TMEM181: variants seen among roughly 807,000 people sequenced by gnomAD.
TMEM181 encodes transmembrane protein 181.
Under a neutral mutation model 71.9 loss-of-function variants are expected in TMEM181, and 39 were observed. That is an observed-to-expected ratio of 0.54 (90% CI 0.42 to 0.71). TMEM181 has a LOEUF of 0.71. Among genes scored for constraint, TMEM181 ranks in the 30% least tolerant of loss-of-function variants. The probability of loss-of-function intolerance (pLI) is 0.00; values close to 1 mark genes in which losing one functional copy is unlikely to be tolerated. For missense variants in TMEM181, 595 were observed against 583.0 expected, an observed-to-expected ratio of 1.02 and a Z score of -0.21; for synonymous variants, 245 against 228.8, an observed-to-expected ratio of 1.07 and a Z score of -0.64.
chr6:158,574,090 G>GCCT (rs1783028907), intron 2 of TMEM181, among the ~76,000 whole-genome samples: 1 of 56,476 alleles, frequency 1.8e-5, no homozygotes, highest in South Asian at 4.5e-4. Context: ...GCAACCAGGA[G>GCCT]CCTGACTTGT....
At position 158,608,371 on chromosome 6, in the gene TMEM181, C is replaced by T; in HGVS notation, c.712C>T (p.Leu238Phe). Reference protein sequence around the residue: ...FPLSFLVNSWLPGMLDDLFQS... With the variant: ...FPLSFLVNSWFPGMLDDLFQS... ...CCTCTCCTTCCTGGTCAACAGCTGG[C>T]TCCCAGGGATGCTGGATGACCTCTT... The change falls in exon 9 of 17, where the codon CTC (leucine) becomes TTC (phenylalanine). Residue 238 changes from leucine (L) to phenylalanine (F), a missense_variant. Physicochemically the swap from Leu to Phe is conservative, Grantham distance 22. Coordinates refer to ENST00000684151, the MANE Select transcript of TMEM181 (RefSeq NM_001376852.1). 2 of 1,614,238 alleles carry T rather than the reference C, an allele frequency of 1.2e-6. No homozygotes were observed. Among genetic ancestry groups the T allele is most frequent in the Non-Finnish European group, 1.7e-6 (2 of 1,180,044 alleles).
At position 158,623,970 on chromosome 6, in the gene TMEM181, C is replaced by T. The variant is rs1291720343; in HGVS notation, c.954+363C>T. Among the ~76,000 whole-genome samples the T allele has an allele frequency of 3.3e-5, 5 of 152,158 alleles. No homozygotes were observed. In the East Asian group the frequency reaches 9.6e-4, roughly 29 times the overall value. ...GAGATGGGGGTTTCACCATATTGGC[C>T]AGACTGTTCTCAAACTCCTGATCTC... On this transcript the variant is annotated intron_variant, in intron 11 of 16. Coordinates refer to ENST00000684151, the MANE Select transcript of TMEM181 (RefSeq NM_001376852.1).
At chr6:158,578,942 G>T (rs868470566) in intron 2 of TMEM181, among the ~76,000 whole-genome samples, 1 of 152,320 alleles carries the variant, frequency 6.6e-6, no homozygotes. Flanking sequence ...TTTCACTTCC[G>T]TGTATATACT....
intron 1 of TMEM181, among the ~76,000 whole-genome samples, chr6:158,549,793 GTGT>G (rs1392075706): frequency 6.6e-6 from 1 of 152,178 alleles, no homozygotes; most frequent in South Asian, 2.1e-4. Context: ...GGCTGGGCAG[GTGT>G]TGTTGCAGGA....
intron 1 of TMEM181, among the ~76,000 whole-genome samples, chr6:158,537,074 G>A (rs930451): frequency 6.6e-6 from 1 of 151,984 alleles, no homozygotes; most frequent in South Asian, 2.1e-4. Context: ...GGCAGCGGCG[G>A]GCAGGTTCCT....
chr6:158,587,763 G>C (rs12202309), intron 5 of TMEM181, among the ~76,000 whole-genome samples: 1 of 152,050 alleles, frequency 6.6e-6, no homozygotes, highest in Non-Finnish European at 1.5e-5. Flanking sequence ...GTCAGCAGCA[G>C]AACCGTGGTT....
intron 2 of TMEM181, among the ~76,000 whole-genome samples, chr6:158,575,655 T>G (rs1403955177): frequency 2.0e-5 from 3 of 152,200 alleles, no homozygotes; most frequent in African/African-American, 4.8e-5. Flanking sequence ...CTTAATTCTT[T>G]CCAGGAAACT....
At chr6:158,544,182 A>AGTGTGTGTGTGTGTGTGT (rs34605570) in intron 1 of TMEM181, among the ~76,000 whole-genome samples, 40 of 127,640 alleles carry the variant, frequency 3.1e-4, no homozygotes, top group African/African-American at 1.0e-3. Context: ...AATTGGAGAG[A>AGTGTGTGTGTGTGTGTGT]GTGTGTGTGT....
chr6:158,625,572 G>A (rs1192703695), intron 12 of TMEM181, 131 bp from the exon 13 acceptor site: 12 of 811,696 alleles, frequency 1.5e-5, no homozygotes, highest in African/African-American at 3.5e-5. Flanking sequence ...GGCTGCTGGC[G>A]ACTCCGGCTA....
In TMEM181 at chr6:158,635,055, T is replaced by G. The variant is rs1786878662; in HGVS notation, c.*3167T>G. 6.6e-6 allele frequency: 1 copy of G among 152,068 alleles called. No homozygotes were observed. Among genetic ancestry groups the G allele is most frequent in the Non-Finnish European group, 1.5e-5 (1 of 67,990 alleles). The allele number at this position is 152,068 out of a possible 1,614,324, so 9.4% of individuals were successfully genotyped here. On this transcript the variant is annotated 3_prime_UTR_variant, in exon 17 of 17. Coordinates refer to ENST00000684151, the MANE Select transcript of TMEM181 (RefSeq NM_001376852.1). ...AAAAAAAAAAAAGATACAGATCTTT[T>G]CCCCTGGCCAAAGGGAAGTTGTATT...
chr6:158,580,802 T>C, intron 2 of TMEM181, 138 bp from the exon 3 acceptor site: 1 of 669,868 alleles, frequency 1.5e-6, no homozygotes, highest in South Asian at 2.1e-5. Context: ...ACTTACACAT[T>C]GTATAATCTC....
In TMEM181 at chr6:158,604,319, TGTGCATGC is replaced by T. The variant is rs1479061461; in HGVS notation, c.493-936_493-929del. 1.0e-4 allele frequency among the ~76,000 whole-genome samples: 14 copies of T among 137,780 alleles called. 1 individual carries two copies. The East Asian group carries it at 2.6e-3, about 26-fold the overall frequency. 90.4% of individuals were successfully genotyped at this position (137,780 alleles called of 152,430 possible). ...CAGGTCCAGTGTCTTAAATCATCCT[TGTGCATGC>T]GTGCATGCGTGTGTGTGTGTGTGTG... is the stretch of plus-strand genomic sequence containing the variant. On this transcript the variant is annotated intron_variant, in intron 6 of 16. Transcript: ENST00000684151.
Position 158,589,793 on chromosome 6 carries a change from C to T in TMEM181, c.492+11C>T, listed in dbSNP as rs377502627. 1 of 1,560,584 alleles carries T rather than the reference C, an allele frequency of 6.4e-7. No individual in the cohort carries two copies. The highest frequency in any genetic ancestry group is 1.4e-5 in the African/African-American group (1 of 73,882). On this transcript the variant is annotated intron_variant, in intron 6 of 16. Coordinates refer to ENST00000684151, the MANE Select transcript of TMEM181 (RefSeq NM_001376852.1). ...GGAATGAACTTCACAGTAAGTATAC[C>T]AGCTGACTGCACGTTTCCATGGCTC...
chr6:158,576,510 G>A (rs1045408618), intron 2 of TMEM181, among the ~76,000 whole-genome samples: 1 of 151,868 alleles, frequency 6.6e-6, no homozygotes, highest in East Asian at 1.9e-4. Flanking sequence ...TTCCTTTCTC[G>A]GGAGTCAGAC....
intron 5 of TMEM181, among the ~76,000 whole-genome samples, chr6:158,586,065 TGAAGCCAAGTAC>T (rs1448153485): frequency 1.3e-5 from 2 of 152,204 alleles, no homozygotes; most frequent in Non-Finnish European, 2.9e-5. Flanking sequence ...TCCGTCTGTG[TGAAGCCAAGTAC>T]CTGGGCCTCT....
rs563234393 is a variant in TMEM181 at position 158,627,138 on chromosome 6, C to A, written c.1110-1270C>A. The stretch of plus-strand genomic sequence containing the variant: ...ACACCCTCACACACCCTTGCTCACA[C>A]ACCTTACACCCTCACTGTCACACAT... On this transcript the variant is annotated intron_variant, in intron 13 of 16. Transcript: ENST00000684151. Among the ~76,000 whole-genome samples the A allele has an allele frequency of 7.4e-5, 11 of 149,314 alleles. No homozygotes were observed. The East Asian group carries it at 2.0e-3, about 28-fold the overall frequency.
chr6:158,607,426 C>T, intron 8 of TMEM181, 83 bp downstream of exon 8: 3 of 1,327,368 alleles, frequency 2.3e-6, no homozygotes, highest in Non-Finnish European at 3.2e-6. Context: ...GCCTGTCATC[C>T]CAGCACTTTG....
At position 158,581,624 on chromosome 6, in the gene TMEM181, G is replaced by A. The variant is rs554308347; in HGVS notation, c.168+629G>A. 1.1e-4 allele frequency among the ~76,000 whole-genome samples: 16 copies of A among 151,880 alleles called. No homozygotes were observed. In the South Asian group the frequency reaches 2.7e-3, roughly 26 times the overall value. On this transcript the variant is annotated intron_variant, in intron 3 of 16. Coordinates refer to ENST00000684151, the MANE Select transcript of TMEM181 (RefSeq NM_001376852.1). ...AAAAAATTAGCTGGGCGTGGTGGGG[G>A]GGCGCCTGTAGTCCCAGCTACTCGG...
At position 158,623,602 on chromosome 6, in the gene TMEM181, T is replaced by C; in HGVS notation, c.949T>C (p.Phe317Leu). 3 of 1,582,726 alleles carry C rather than the reference T, an allele frequency of 1.9e-6. No homozygotes were observed. Among genetic ancestry groups the C allele is most frequent in the Non-Finnish European group, 2.6e-6 (3 of 1,161,578 alleles). The change falls in exon 11 of 17, where the codon TTT becomes CTT. Residue 317 changes from phenylalanine to leucine, a missense_variant. Transcript: ENST00000684151. The stretch of plus-strand genomic sequence containing the variant: ...CCAGTATCGAGTTGATACCGGAAAT[T>C]TTCAGGTAAGGATTGTTAATGAGGC... Reference protein sequence around the residue: ...MYQYRVDTGNFQGMKVFFMVV... With the variant: ...MYQYRVDTGNLQGMKVFFMVV...
Sources: allele counts gnomAD v4.1 joint callset (sites outside exome capture counted in the v4.1 genomes callset), GRCh38; gene constraint gnomAD v4.1.1; transcripts MANE v1.5; gene names NCBI Gene and HGNC (gene_info 2026-07-23, HGNC 2026-07-21).